CFAP119: variants seen among roughly 807,000 people sequenced by gnomAD.
The protein encoded by CFAP119 is cilia and flagella associated protein 119, also known as cilia- and flagella-associated protein 119.
the CFAP119 span, chr16:30,759,335 C>T: frequency 6.2e-7 from 1 of 1,613,256 alleles, no homozygotes; most frequent in Non-Finnish European, 8.5e-7. Flanking sequence ...GGTCCACCAC[C>T]CCCTACCTGG....
chr16:30,761,372 G>C, the CFAP119 span: 14 of 1,385,652 alleles, frequency 1.0e-5, no homozygotes, highest in East Asian at 3.0e-4. Context: ...GCTTCAGCAG[G>C]CCCTAGGTGC....
chr16:30,761,234 G>T, the CFAP119 span: 4 of 1,613,554 alleles, frequency 2.5e-6, no homozygotes, highest in African/African-American at 1.3e-5. Flanking sequence ...CGGCGGCTGC[G>T]GAAAGAAAGC....
chr16:30,760,152 T>C, the CFAP119 span: 1 of 1,579,550 alleles, frequency 6.3e-7, no homozygotes, highest in East Asian at 2.3e-5. Context: ...GCTGATGGCT[T>C]GTGTATGATG....
At chr16:30,757,656 TGCAGGGGCAGGGAA>T in the CFAP119 span, 7 of 1,609,278 alleles carry the variant, frequency 4.3e-6, no homozygotes, top group East Asian at 6.7e-5. Flanking sequence ...GGATGTGGCC[TGCAGGGGCAGGGAA>T]GAAGGGGCAG....
chr16:30,758,897 T>C, the CFAP119 span: 64 of 1,505,160 alleles, frequency 4.3e-5, no homozygotes, highest in Non-Finnish European at 5.6e-5. Flanking sequence ...TAAGGGATCA[T>C]TTAGAGAAAG....
At chr16:30,759,204 G>A in the CFAP119 span, 2 of 1,614,182 alleles carry the variant, frequency 1.2e-6, no homozygotes, top group South Asian at 1.1e-5. Flanking sequence ...CCACAGTTTG[G>A]GTGGCTGTAG....
At chr16:30,757,447 C>G in the CFAP119 span, 4 of 1,601,984 alleles carry the variant, frequency 2.5e-6, no homozygotes, top group Non-Finnish European at 3.4e-6. Flanking sequence ...CATTCTGGCC[C>G]AGACCTTTAT....
the CFAP119 span, chr16:30,761,664 C>T: frequency 2.0e-6 from 3 of 1,535,914 alleles, no homozygotes; most frequent in Non-Finnish European, 1.7e-6. Flanking sequence ...CGATCCTTCC[C>T]CGCTTCCCGC....
the CFAP119 span, chr16:30,761,673 G>A: frequency 6.5e-7 from 1 of 1,535,854 alleles, no homozygotes; most frequent in Non-Finnish European, 8.7e-7. Flanking sequence ...CCCGCTTCCC[G>A]CCGCAGCTCG....
the CFAP119 span, chr16:30,759,617 A>T: frequency 1.2e-6 from 2 of 1,613,978 alleles, no homozygotes; most frequent in Non-Finnish European, 1.7e-6. Context: ...TTGTCTGGGG[A>T]TGGGTAAAGT....
the CFAP119 span, chr16:30,761,139 G>A: frequency 1.3e-6 from 2 of 1,586,094 alleles, no homozygotes; most frequent in African/African-American, 2.7e-5. Context: ...AGACAGGACT[G>A]TTGGGGAGAC....
At chr16:30,759,072 G>A in the CFAP119 span, 1 of 1,614,202 alleles carries the variant, frequency 6.2e-7, no homozygotes, top group Non-Finnish European at 8.5e-7. Context: ...GTAACTGCCT[G>A]CTCCTCCATC....
chr16:30,761,402 C>T, the CFAP119 span: 3 of 1,378,920 alleles, frequency 2.2e-6, no homozygotes. Context: ...GCACAGTAAC[C>T]ACCGGGGTCA....
chr16:30,759,304 C>T, the CFAP119 span: 17 of 1,612,242 alleles, frequency 1.1e-5, no homozygotes, highest in South Asian at 2.2e-5. Flanking sequence ...AGGGGAGGGG[C>T]GGTTGAGGGT....
the CFAP119 span, chr16:30,757,575 C>G: frequency 6.2e-7 from 1 of 1,614,104 alleles, no homozygotes; most frequent in African/African-American, 1.3e-5. Flanking sequence ...CCTTGAGCCG[C>G]TCCTCCACCA....
At chr16:30,760,035 TG>T in the CFAP119 span, 70 of 1,501,814 alleles carry the variant, frequency 4.7e-5, no homozygotes, top group Middle Eastern at 5.3e-4. Context: ...CTAAAGCAGG[TG>T]TTATTGTGCA....
the CFAP119 span, chr16:30,761,214 G>C: frequency 2.5e-6 from 4 of 1,613,906 alleles, no homozygotes; most frequent in African/African-American, 2.7e-5. Context: ...CAGATCCGGG[G>C]TCGGGGCAGC....
chr16:30,759,374 A>G, the CFAP119 span: 4 of 1,614,236 alleles, frequency 2.5e-6, no homozygotes, highest in South Asian at 4.4e-5. Flanking sequence ...TAGAGCTTGA[A>G]GTGGCGGAAG....
the CFAP119 span, chr16:30,759,570 A>G: frequency 6.2e-7 from 1 of 1,614,098 alleles, no homozygotes; most frequent in Non-Finnish European, 8.5e-7. Flanking sequence ...TCACAAGAAG[A>G]TAAGGGTGAT....
Sources: gnomAD v4.1 joint callset for allele counts on GRCh38, gnomAD v4.1.1 for gene constraint, MANE v1.5 for transcripts, NCBI Gene and HGNC (gene_info 2026-07-23, HGNC 2026-07-21) for gene names.